Variants in PGPEP1 observed in about 807,000 individuals in gnomAD.
PGPEP1 encodes the protein pyroglutamyl-peptidase 1.
PGPEP1 carries 15 observed loss-of-function variants against 24.1 expected under a neutral mutation model. The observed-to-expected ratio is 0.62, with a 90% CI of 0.42 to 0.96. The LOEUF (loss-of-function observed/expected upper bound fraction) is 0.96. Ranked by LOEUF, PGPEP1 falls within the 40% of genes least tolerant of loss-of-function variation. PGPEP1 has a pLI of 0.00. For missense variants in PGPEP1, 242 were observed against 273.4 expected, an observed-to-expected ratio of 0.89 and a Z score of 0.81; for synonymous variants, 122 against 116.4, an observed-to-expected ratio of 1.05 and a Z score of -0.31.
chr19:18,361,385 C>T (rs922001806), intron 4 of PGPEP1, among the ~76,000 whole-genome samples: 7 of 151,798 alleles, frequency 4.6e-5, no homozygotes, highest in Admixed American at 1.3e-4. Flanking sequence ...GTGATCCACC[C>T]GCCTTGGCCT....
At chr19:18,355,381 C>T (rs188366847) in intron 2 of PGPEP1, among the ~76,000 whole-genome samples, 1 of 152,144 alleles carries the variant, frequency 6.6e-6, no homozygotes, top group African/African-American at 2.4e-5. Flanking sequence ...CTGCCTCAGC[C>T]TCCTAAGTAG....
At chr19:18,363,068 T>TGTGTGTGTGTGTGTGTGTG (rs60619670) in intron 4 of PGPEP1, among the ~76,000 whole-genome samples, 6 of 146,710 alleles carry the variant, frequency 4.1e-5, no homozygotes, top group South Asian at 2.2e-4. Context: ...TGTGTGTGTG[T>TGTGTGTGTGTGTGTGTGTG]TTTAAAGAGA....
At chr19:18,361,853 TTC>T in intron 4 of PGPEP1, 13 of 985,362 alleles carry the variant, frequency 1.3e-5, no homozygotes, top group Non-Finnish European at 1.6e-5. Flanking sequence ...TTACTGAGAA[TTC>T]TCATCCTTAG....
intron 1 of PGPEP1, among the ~76,000 whole-genome samples, chr19:18,342,206 G>A (rs1970691227): frequency 6.6e-6 from 1 of 152,180 alleles, no homozygotes; most frequent in African/African-American, 2.4e-5. Flanking sequence ...ACCGCACCCA[G>A]CCCCAGATCT....
At chr19:18,347,270 C>CTTTTTTTTTTTTTTTTTTTT (rs59936417) in intron 2 of PGPEP1, among the ~76,000 whole-genome samples, 9 of 94,420 alleles carry the variant, frequency 9.5e-5, no homozygotes, top group East Asian at 2.9e-4. Flanking sequence ...TTCTTTCTTT[C>CTTTTTTTTTTTTTTTTTTTT]TTTTTTTTTT....
chr19:18,352,144 T>C (rs1000119138), intron 2 of PGPEP1, among the ~76,000 whole-genome samples: 1 of 151,182 alleles, frequency 6.6e-6, no homozygotes, highest in Non-Finnish European at 1.5e-5. Flanking sequence ...TGCTGGTGGG[T>C]GCCTGTAGTC....
chr19:18,343,004 T>A, intron 2 of PGPEP1, 93 bp downstream of exon 2: 1 of 269,092 alleles, frequency 3.7e-6, no homozygotes, highest in Non-Finnish European at 6.3e-6. Context: ...TAACAAAAAC[T>A]TTTTTTTTTT....
intron 2 of PGPEP1, among the ~76,000 whole-genome samples, chr19:18,352,128 C>T (rs1374583215): frequency 2.0e-5 from 3 of 151,592 alleles, no homozygotes; most frequent in East Asian, 3.9e-4. Flanking sequence ...AAAAATTAGC[C>T]GGGCATGCTG....
intron 4 of PGPEP1, among the ~76,000 whole-genome samples, chr19:18,362,932 T>C (rs1971384183): frequency 6.6e-6 from 1 of 152,048 alleles, no homozygotes; most frequent in Non-Finnish European, 1.5e-5. Flanking sequence ...CAAATTGCCT[T>C]CCACACGGGG....
Position 18,363,478 on chromosome 19 carries a change from G to A in PGPEP1, c.525G>A (p.Pro175=), listed in dbSNP as rs147373225. 67 of 1,614,122 alleles carry A rather than the reference G, an allele frequency of 4.2e-5. No homozygotes were observed. The African/African-American group carries it at 7.2e-4, about 17-fold the overall frequency. ...TCCACGTGCCCCCACTGGGGAAGCCGTACAACGCGGACCAGCTGGGCAGGG... is the reference window on the plus strand; with the variant it reads ...TCCACGTGCCCCCACTGGGGAAGCCATACAACGCGGACCAGCTGGGCAGGG... ...AFVHVPPLGK[P]YNADQLGRAL... is the part of the protein sequence containing the mutation. Residue 175 remains proline (P), a synonymous_variant, in exon 5 of 5, where the codon CCG becomes CCA. Transcript: ENST00000269919.
chr19:18,356,155 G>A (rs963720324), intron 3 of PGPEP1, 144 bp downstream of exon 3: 25 of 622,878 alleles, frequency 4.0e-5, no homozygotes, highest in African/African-American at 1.6e-4. Flanking sequence ...TTTTCAGGCC[G>A]GGCATGGTGG....
chr19:18,340,732 G>T lies in PGPEP1; in HGVS notation c.34+17G>T. ...TAGTGACGGGTACGCTGGCTGATGG[G>T]GGCTGTAGCGGCAGCGGCCGGGGGC... On this transcript the variant is annotated intron_variant, in intron 1 of 4. Transcript: ENST00000269919. 6.8e-7 allele frequency: 1 copy of T among 1,480,636 alleles called. No individual in the cohort carries two copies. The highest frequency in any genetic ancestry group is 9.0e-7 in the Non-Finnish European group (1 of 1,112,016). The allele number at this position is 1,480,636 out of a possible 1,614,324, so 91.7% of individuals were successfully genotyped here.
intron 2 of PGPEP1, among the ~76,000 whole-genome samples, chr19:18,353,092 A>AT (rs1333008932): frequency 2.7e-5 from 4 of 150,048 alleles, no homozygotes; most frequent in Non-Finnish European, 1.5e-5. Flanking sequence ...TAATTTTTGT[A>AT]TTTTTTAGTA....
Position 18,363,629 on chromosome 19 carries a change from G to A in PGPEP1, c.*46G>A, listed in dbSNP as rs368388094. The A allele has an allele frequency of 1.1e-5, 16 of 1,465,600 alleles. No homozygotes were observed. Among genetic ancestry groups the A allele is most frequent in the African/African-American group, 2.8e-5 (2 of 72,374 alleles). The allele number at this position is 1,465,600 out of a possible 1,614,324, so 90.8% of individuals were successfully genotyped here. On this transcript the variant is annotated 3_prime_UTR_variant, in exon 5 of 5. Transcript: ENST00000269919. The stretch of plus-strand genomic sequence containing the variant: ...GACCTCATCCTGCTGGGGACCCCAC[G>A]AGGGGACATCCACCCTCTGGGGTGT...
intron 2 of PGPEP1, among the ~76,000 whole-genome samples, chr19:18,348,271 CG>C (rs1372014672): frequency 6.6e-6 from 1 of 152,090 alleles, no homozygotes; most frequent in Admixed American, 6.6e-5. Context: ...GAGGAGGACC[CG>C]GGTCACAGAA....
rs1383750965 is a variant in PGPEP1, at chr19:18,364,115, G to GCTTT, written c.*544_*547dup. The GCTTT allele has an allele frequency of 2.9e-5, 2 of 69,752 alleles. No homozygotes were observed. Among genetic ancestry groups the GCTTT allele is most frequent in the African/African-American group, 8.8e-5 (1 of 11,342 alleles). 4.3% of individuals were successfully genotyped at this position (69,752 alleles called of 1,614,324 possible). A position where few individuals can be genotyped will look rare whatever the true frequency, so the allele number is the denominator to read the frequency against. On this transcript the variant is annotated 3_prime_UTR_variant, in exon 5 of 5. Coordinates refer to ENST00000269919, the MANE Select transcript of PGPEP1 (RefSeq NM_017712.4). ...TTCTTTCTTTCTTTCTTTCTTTCTT[G>GCTTT]CTTTCTTTCTTTCTTGCTTTCTTTC...
chr19:18,348,225 C>T (rs190997563), intron 2 of PGPEP1, among the ~76,000 whole-genome samples: 235 of 152,130 alleles, frequency 1.5e-3, no homozygotes, highest in African/African-American at 3.9e-3. Context: ...CTCCGGGGCT[C>T]GGGGCCATCT....
chr19:18,361,714 G>A (rs1387145415), intron 4 of PGPEP1: 6 of 984,942 alleles, frequency 6.1e-6, no homozygotes, highest in East Asian at 1.1e-4. Context: ...AGTCAGACAC[G>A]GAAACCATGA....
chr19:18,364,107 T>TCTTTCTTTCTTG lies in PGPEP1; in HGVS notation c.*531_*532insTCTTGCTTTCTT, dbSNP rs1971449171. ...GGCTTTCTTTCTTTCTTTCTTTCTT[T>TCTTTCTTTCTTG]CTTTCTTGCTTTCTTTCTTTCTTGC... On this transcript the variant is annotated 3_prime_UTR_variant, in exon 5 of 5. Transcript: ENST00000269919. The TCTTTCTTTCTTG allele has an allele frequency of 6.9e-6, 1 of 144,202 alleles. No homozygotes were observed. The highest frequency in any genetic ancestry group is 2.7e-5 in the African/African-American group (1 of 36,678). 8.9% of individuals were successfully genotyped at this position (144,202 alleles called of 1,614,324 possible).
Sources: gnomAD v4.1 joint callset for allele counts (sites outside exome capture counted in the v4.1 genomes callset) on GRCh38, gnomAD v4.1.1 for gene constraint, MANE v1.5 for transcripts, NCBI Gene and HGNC (gene_info 2026-07-23, HGNC 2026-07-21) for gene names.